Variants in C1orf159 observed in about 807,000 individuals in gnomAD.
C1orf159 encodes the protein chromosome 1 open reading frame 159, also known as uncharacterized protein C1orf159.
Under a neutral mutation model 25.6 loss-of-function variants are expected in C1orf159, and 19 were observed. That is an observed-to-expected ratio of 0.74 (90% CI 0.52 to 1.09). The LOEUF (loss-of-function observed/expected upper bound fraction) is 1.09, where lower values mean the gene tolerates loss of function less well. Among genes scored for constraint, C1orf159 ranks in the 50% least tolerant of loss-of-function variants. C1orf159 has a pLI of 0.00. For synonymous variants in C1orf159, 139 were observed against 124.7 expected, an observed-to-expected ratio of 1.12 and a Z score of -0.77; for missense variants, 274 against 290.6, an observed-to-expected ratio of 0.94 and a Z score of 0.42.
chr1:1,085,451 C>G (rs957354703), intron 7 of C1orf159: 1 of 287,142 alleles, frequency 3.5e-6, no homozygotes, highest in Non-Finnish European at 7.1e-6. Flanking sequence ...GTGGCGTAGG[C>G]TGGGGTGTGG....
chr1:1,092,813 CTG>C (rs1241501746), intron 1 of C1orf159: 1 of 152,340 alleles, frequency 6.6e-6, no homozygotes, highest in Non-Finnish European at 1.5e-5. Flanking sequence ...CCGGAGGACT[CTG>C]GAAGGTGGGG....
intron 1 of C1orf159, among the ~76,000 whole-genome samples, chr1:1,094,211 C>T (rs192389468): frequency 6.6e-6 from 1 of 151,934 alleles, no homozygotes; most frequent in Admixed American, 6.5e-5. Context: ...GATACTCCTA[C>T]ATCAGCCTCC....
intron 1 of C1orf159, among the ~76,000 whole-genome samples, chr1:1,098,389 A>G (rs930060051): frequency 2.0e-5 from 3 of 152,122 alleles, no homozygotes; most frequent in Non-Finnish European, 4.4e-5. Context: ...AATATTTTCT[A>G]ATTTCCCATT....
intron 9 of C1orf159, chr1:1,083,893 C>G (rs371685228): frequency 4.5e-6 from 7 of 1,550,466 alleles, no homozygotes; most frequent in Non-Finnish European, 6.1e-6. Flanking sequence ...TCTGTGGCCC[C>G]GCACATAAAA....
intron 2 of C1orf159, 102 bp from the exon 3 acceptor site, chr1:1,091,667 C>A: frequency 2.0e-6 from 1 of 493,940 alleles, no homozygotes. Flanking sequence ...TGGGGGGGTG[C>A]GGGCCAAGGC....
At chr1:1,115,417 C>G (rs1004181665) in intron 1 of C1orf159, among the ~76,000 whole-genome samples, 14 of 152,120 alleles carry the variant, frequency 9.2e-5, no homozygotes, top group African/African-American at 2.7e-4. Context: ...CCGGTGCCCC[C>G]ACTCCCGGCT....
Position 1,087,173 on chromosome 1 carries a change from G to A in C1orf159, c.276C>T (p.Asn92=). 1.9e-6 allele frequency: 3 copies of A among 1,610,544 alleles called. No individual in the cohort carries two copies. Among genetic ancestry groups the A allele is most frequent in the African/African-American group, 1.3e-5 (1 of 75,014 alleles). Residue 92 remains asparagine, a synonymous_variant, in exon 6 of 10, where the codon AAC becomes AAT. Transcript: ENST00000421241. This position sits in a 1 kb window ranked among gnomAD's most constrained non-coding sequence, Gnocchi z 8.3. ...FAGPGAPFPM[N]RSSGTPGRPH... ...GCCGCCCGGGGGTCCCTGAGCTTCT[G>A]TTCATGGGGAATGGCGCACCCGGGC...
intron 1 of C1orf159, among the ~76,000 whole-genome samples, chr1:1,098,080 T>G (rs1646034139): frequency 6.6e-6 from 1 of 152,306 alleles, no homozygotes; most frequent in East Asian, 1.9e-4. Flanking sequence ...TTACAAATTT[T>G]TTTTTTTTGA....
At chr1:1,088,889 G>A (rs1009257575) in intron 4 of C1orf159, among the ~76,000 whole-genome samples, 4 of 152,194 alleles carry the variant, frequency 2.6e-5, no homozygotes, top group Admixed American at 2.6e-4. Context: ...AAGTCCACCC[G>A]CTCAGTCCTA....
intron 1 of C1orf159, among the ~76,000 whole-genome samples, chr1:1,105,393 A>G (rs1400741112): frequency 3.3e-5 from 5 of 152,014 alleles, no homozygotes; most frequent in African/African-American, 1.2e-4. Context: ...CTGTGATCCC[A>G]GCTACTTGGG....
chr1:1,087,025 T>C lies in C1orf159; in HGVS notation c.310+114A>G. ...GCTGCCACGCTCCCCTCTGGCTGTT[T>C]TGCAGAACCCTGAGCCTGCTGTGGC... On this transcript the variant is annotated intron_variant, in intron 6 of 9. Coordinates refer to ENST00000421241, the MANE Select transcript of C1orf159 (RefSeq NM_017891.5). This position sits in a 1 kb window ranked among gnomAD's most constrained non-coding sequence, Gnocchi z 8.3. 8.9e-7 allele frequency: 1 copy of C among 1,119,650 alleles called. No homozygotes were observed. The highest frequency in any genetic ancestry group is 2.6e-5 in the East Asian group (1 of 38,362). 69.4% of individuals were successfully genotyped at this position (1,119,650 alleles called of 1,614,324 possible). A position where few individuals can be genotyped will look rare whatever the true frequency, so the allele number is the denominator to read the frequency against.
intron 3 of C1orf159, chr1:1,090,834 G>A (rs1016683833): frequency 1.3e-6 from 2 of 1,490,992 alleles, no homozygotes; most frequent in African/African-American, 1.4e-5. Context: ...TCACGCCCAG[G>A]TGCCCAGGTA....
At chr1:1,113,953 G>T (rs910814846) in intron 1 of C1orf159, among the ~76,000 whole-genome samples, 35 of 129,652 alleles carry the variant, frequency 2.7e-4, no homozygotes, top group African/African-American at 9.8e-4. Context: ...GTCTCGCTCT[G>T]TCACCCAGGC....
At chr1:1,091,622 G>T in intron 2 of C1orf159, 57 bp from the exon 3 acceptor site, 2 of 1,269,768 alleles carry the variant, frequency 1.6e-6, no homozygotes, top group South Asian at 1.3e-5. Context: ...GAGGCAGGGT[G>T]GGTGGGGCCA....
At chr1:1,083,575 C>A (rs1645779244) in intron 9 of C1orf159, 2 of 297,674 alleles carry the variant, frequency 6.7e-6, no homozygotes, top group Non-Finnish European at 1.3e-5. Context: ...CTCCCCGGAG[C>A]CTCGGGAAGC....
At chr1:1,107,034 G>GC (rs1014994505) in intron 1 of C1orf159, among the ~76,000 whole-genome samples, 3 of 152,148 alleles carry the variant, frequency 2.0e-5, no homozygotes, top group African/African-American at 7.2e-5. Flanking sequence ...CATGCCCGAG[G>GC]CCCCCCGCAC....
chr1:1,114,942 C>T (rs895365977), intron 1 of C1orf159: 1 of 152,040 alleles, frequency 6.6e-6, no homozygotes, highest in Non-Finnish European at 1.5e-5. Context: ...GATGGGAGCA[C>T]CAAAATCTCA....
intron 1 of C1orf159, among the ~76,000 whole-genome samples, chr1:1,099,543 A>G (rs1570323207): frequency 6.7e-6 from 1 of 149,080 alleles, no homozygotes; most frequent in African/African-American, 2.5e-5. Context: ...CTATTGTTCT[A>G]AGAAATGGAG....
intron 6 of C1orf159, among the ~76,000 whole-genome samples, chr1:1,086,213 G>A (rs746766656): frequency 2.6e-5 from 4 of 152,228 alleles, no homozygotes; most frequent in East Asian, 1.9e-4. Context: ...ATCTGGCCGC[G>A]GGGTCTGGGA....
Sources: allele counts gnomAD v4.1 joint callset (sites outside exome capture counted in the v4.1 genomes callset), GRCh38; gene constraint gnomAD v4.1.1; non-coding constraint Gnocchi (gnomAD v3.1); transcripts MANE v1.5; gene names NCBI Gene and HGNC (gene_info 2026-07-23, HGNC 2026-07-21).